Variants in TBXAS1 observed in about 807,000 individuals in gnomAD.
The protein encoded by TBXAS1 is thromboxane-A synthase.
Under a neutral mutation model 60.7 loss-of-function variants are expected in TBXAS1, and 48 were observed. The observed-to-expected ratio is 0.79, with a 90% confidence interval of 0.63 to 1.01. The LOEUF (loss-of-function observed/expected upper bound fraction) is 1.01. TBXAS1 is among the 50% of genes least tolerant of loss of function. TBXAS1 has a pLI of 0.00. For missense variants in TBXAS1, 685 were observed against 686.3 expected (o/e 1.00, Z 0.02); for synonymous variants, 287 against 269.7 (o/e 1.06, Z -0.63).
intron 4 of TBXAS1, among the ~76,000 whole-genome samples, chr7:139,932,851 G>A (rs1240983297): frequency 6.6e-6 from 1 of 152,168 alleles, no homozygotes; most frequent in Non-Finnish European, 1.5e-5. Context: ...GAGGCTAGGA[G>A]TTCAAGACCA....
chr7:140,004,918 C>T lies in TBXAS1; in HGVS notation c.1135-2173C>T, dbSNP rs546163442. Among the ~76,000 whole-genome samples, 1 of 152,222 alleles carries T rather than the reference C, an allele frequency of 6.6e-6. No individual in the cohort carries two copies. The highest frequency in any genetic ancestry group is 1.5e-5 in the Non-Finnish European group (1 of 68,040). On this transcript the variant is annotated intron_variant, in intron 9 of 12. Coordinates refer to ENST00000448866, the MANE Select transcript of TBXAS1 (RefSeq NM_001061.7). This position sits in a 1 kb window ranked among gnomAD's most constrained non-coding sequence, Gnocchi z 5.1. The stretch of plus-strand genomic sequence containing the variant: ...CAGCCTAGGGCAGGGACGGCCACCA[C>T]CATGCCAACCCGAGATGCTGCAGGG...
At chr7:139,955,079 G>T (rs1028041683) in intron 6 of TBXAS1, among the ~76,000 whole-genome samples, 1 of 152,180 alleles carries the variant, frequency 6.6e-6, no homozygotes, top group East Asian at 1.9e-4. Flanking sequence ...GCATGTAGGC[G>T]TTGGGTCACC....
At chr7:139,779,925 A>T (rs948708269) in intron 1 of TBXAS1, among the ~76,000 whole-genome samples, 4 of 152,096 alleles carry the variant, frequency 2.6e-5, no homozygotes, top group Admixed American at 6.5e-5. Context: ...TTTCCCACCC[A>T]CTTTCCCAGA....
chr7:139,929,328 C>T lies in TBXAS1; in HGVS notation c.334-6863C>T, dbSNP rs1807129903. ...ACGTGGCCCCTGCTGTTCTGTCGTT[C>T]CCCTATTGGCTGGGGTTAGACCACA... On this transcript the variant is annotated intron_variant, in intron 4 of 12. Coordinates refer to ENST00000448866, the MANE Select transcript of TBXAS1 (RefSeq NM_001061.7). Among the ~76,000 whole-genome samples, 3 of 152,310 alleles carry T rather than the reference C, an allele frequency of 2.0e-5. No homozygotes were observed. The South Asian group carries it at 6.2e-4, about 32-fold the overall frequency.
chr7:139,884,914 C>T (rs976434269), intron 3 of TBXAS1, among the ~76,000 whole-genome samples: 1 of 152,172 alleles, frequency 6.6e-6, no homozygotes, highest in Non-Finnish European at 1.5e-5. Context: ...GACCAGAAGC[C>T]AGACCTAATC....
chr7:139,813,007 A>G (rs1798055577), intron 4 of TBXAS1, among the ~76,000 whole-genome samples: 2 of 152,056 alleles, frequency 1.3e-5, no homozygotes, highest in African/African-American at 4.8e-5. Flanking sequence ...CAGTGAGCCA[A>G]GACCATGCCA....
intron 3 of TBXAS1, among the ~76,000 whole-genome samples, chr7:139,899,029 C>T (rs1183615639): frequency 3.3e-5 from 5 of 150,544 alleles, no homozygotes; most frequent in African/African-American, 7.3e-5. Context: ...TTTTTCATTG[C>T]AGAAGTCACA....
In TBXAS1 at chr7:139,992,392, C is replaced by G. The variant is rs929767977; in HGVS notation, c.1135-14699C>G. 3.3e-5 allele frequency among the ~76,000 whole-genome samples: 5 copies of G among 152,244 alleles called. No homozygotes were observed. The South Asian group carries it at 1.0e-3, about 32-fold the overall frequency. The stretch of plus-strand genomic sequence containing the variant: ...TTCATTCTCATGTATCCTAATCCAC[C>G]CCGCCAGCTCCCAGCAGAGGGGAGG... On this transcript the variant is annotated intron_variant, in intron 9 of 12. Transcript: ENST00000448866.
intron 4 of TBXAS1, among the ~76,000 whole-genome samples, chr7:139,807,709 G>T (rs1797914799): frequency 6.6e-6 from 1 of 151,920 alleles, no homozygotes; most frequent in African/African-American, 2.4e-5. Context: ...TTAAAGACAG[G>T]GTCTTGTTGT....
chr7:140,015,998 A>G (rs907688804), intron 11 of TBXAS1, 138 bp downstream of exon 11: 1 of 1,232,216 alleles, frequency 8.1e-7, no homozygotes, highest in Non-Finnish European at 1.2e-6. Flanking sequence ...CAATTCAGAT[A>G]GATGTTTGCA....
At chr7:139,869,202 C>T (rs1255541394) in intron 1 of TBXAS1, among the ~76,000 whole-genome samples, 1 of 152,140 alleles carries the variant, frequency 6.6e-6, no homozygotes, top group Non-Finnish European at 1.5e-5. Context: ...TCCTTCCTTG[C>T]CTCTTCCTAG....
chr7:139,816,723 C>T lies in TBXAS1; in HGVS notation c.-79-12589C>T, dbSNP rs73478015. ...ATTTAACGAGTTCTGCAGGTGATTCCGATATTTGCTGAAGTTGAACTACTG... is the reference window on the plus strand; with the variant it reads ...ATTTAACGAGTTCTGCAGGTGATTCTGATATTTGCTGAAGTTGAACTACTG... On this transcript the variant is annotated intron_variant, in intron 4 of 16. Coordinates refer to the TBXAS1 transcript ENST00000336425. 9.0e-3 allele frequency among the ~76,000 whole-genome samples: 1,366 copies of T among 152,264 alleles called. 17 individuals carry two copies. Among genetic ancestry groups the T allele is most frequent in the African/African-American group, 0.03 (1,246 of 41,542 alleles).
intron 4 of TBXAS1, among the ~76,000 whole-genome samples, chr7:139,811,188 T>C (rs1388336622): frequency 6.6e-6 from 1 of 152,248 alleles, no homozygotes; most frequent in Non-Finnish European, 1.5e-5. Context: ...CAGGGAAACA[T>C]TATTTCTTGC....
chr7:139,936,196 G>C lies in TBXAS1; in HGVS notation c.339G>C (p.Ser113=). Residue 113 remains serine, a synonymous_variant, in exon 5 of 13, where the codon TCG becomes TCC. Transcript: ENST00000448866. ...NFSNFTNRMA[S]GLEFKSVADS... is the part of the protein sequence containing the mutation. ...TGCTTGTTACTTCCCAACAGGCGTC[G>C]GGTTTGGAGTTCAAGTCGGTAGCCG... 6.2e-7 allele frequency: 1 copy of C among 1,614,150 alleles called. No individual in the cohort carries two copies. The highest frequency in any genetic ancestry group is 1.1e-5 in the South Asian group (1 of 91,076).
chr7:139,866,555 A>G (rs2116766220), intron 1 of TBXAS1, among the ~76,000 whole-genome samples: 1 of 150,478 alleles, frequency 6.6e-6, no homozygotes, highest in Admixed American at 6.6e-5. Flanking sequence ...GGAGTTTGAG[A>G]CCAGCCTGGG....
At chr7:139,964,976 T>C (rs1279042920) in intron 9 of TBXAS1, among the ~76,000 whole-genome samples, 1 of 152,218 alleles carries the variant, frequency 6.6e-6, no homozygotes, top group African/African-American at 2.4e-5. Flanking sequence ...CCCAGCACTT[T>C]GGGAGGCCGA....
chr7:139,780,572 A>C (rs1323903615), intron 1 of TBXAS1, among the ~76,000 whole-genome samples: 1 of 152,236 alleles, frequency 6.6e-6, no homozygotes, highest in African/African-American at 2.4e-5. Context: ...TACAAACTCG[A>C]TAAAAGGCAT....
intron 4 of TBXAS1, among the ~76,000 whole-genome samples, chr7:139,917,895 C>G (rs1317439589): frequency 6.6e-6 from 1 of 152,134 alleles, no homozygotes; most frequent in African/African-American, 2.4e-5. Flanking sequence ...CCATATTTCC[C>G]TAACTTTTGT....
intron 1 of TBXAS1, among the ~76,000 whole-genome samples, chr7:139,840,000 AAAG>A (rs1799330701): frequency 6.6e-6 from 1 of 151,900 alleles, no homozygotes; most frequent in African/African-American, 2.4e-5. Context: ...AAAAAAAAAA[AAAG>A]AGATTTCAGA....
Sources: gnomAD v4.1 joint callset for allele counts (sites outside exome capture counted in the v4.1 genomes callset) on GRCh38, gnomAD v4.1.1 for gene constraint, Gnocchi (gnomAD v3.1) non-coding constraint, MANE v1.5 for transcripts, NCBI Gene and HGNC (gene_info 2026-07-23, HGNC 2026-07-21) for gene names.